Variants in ZDHHC13 observed in about 807,000 individuals in gnomAD.
ZDHHC13 encodes the protein palmitoyltransferase ZDHHC13.
Under a neutral mutation model 86.0 loss-of-function variants are expected in ZDHHC13, and 85 were observed. The ratio of observed to expected loss-of-function variants is 0.99; its 90% CI spans 0.83 to 1.18. ZDHHC13 has a LOEUF of 1.18. ZDHHC13 is among the 50% of genes most tolerant of loss of function. ZDHHC13 has a pLI of 0.00. For missense variants in ZDHHC13, 711 were observed against 730.2 expected, an observed-to-expected ratio of 0.97 and a Z score of 0.30; for synonymous variants, 263 against 246.4, an observed-to-expected ratio of 1.07 and a Z score of -0.63.
chr11:19,141,231 T>G (rs1244844289), intron 1 of ZDHHC13, among the ~76,000 whole-genome samples: 1 of 152,128 alleles, frequency 6.6e-6, no homozygotes, highest in East Asian at 1.9e-4. Flanking sequence ...ATTAGAGGAT[T>G]GGTTATTATG....
In ZDHHC13 at chr11:19,149,302, A is replaced by G. The variant is rs1037551177; in HGVS notation, c.490A>G (p.Ile164Val). The G allele has an allele frequency of 1.9e-5, 30 of 1,602,656 alleles. No homozygotes were observed. Among genetic ancestry groups the G allele is most frequent in the Admixed American group, 1.7e-4 (10 of 58,882 alleles). Residue 164 changes from isoleucine (I) to valine (V), a missense_variant, in exon 5 of 17, where the codon ATT becomes GTT. Coordinates refer to ENST00000446113, the MANE Select transcript of ZDHHC13 (RefSeq NM_019028.3). ...GGCAGTATTGTTTCAACACATGCCT[A>G]TTATAGCATATCTCATCTCAAAGGG... ...HLAVLFQHMP[I>V]IAYLISKGQS...
intron 1 of ZDHHC13, among the ~76,000 whole-genome samples, chr11:19,132,159 G>A (rs1849015598): frequency 6.6e-6 from 1 of 152,144 alleles, no homozygotes; most frequent in African/African-American, 2.4e-5. Flanking sequence ...TGGACTTTGT[G>A]AATGCACGTT....
chr11:19,133,098 C>T (rs1849038192), intron 1 of ZDHHC13, among the ~76,000 whole-genome samples: 1 of 152,028 alleles, frequency 6.6e-6, no homozygotes. Context: ...GGCCAGTAAA[C>T]ATGAAGAAAT....
chr11:19,133,303 T>A (rs1421213156), intron 1 of ZDHHC13, among the ~76,000 whole-genome samples: 1 of 151,868 alleles, frequency 6.6e-6, no homozygotes, highest in Non-Finnish European at 1.5e-5. Context: ...AAGCATATCT[T>A]CAAAGCCAAC....
chr11:19,169,834 C>T (rs2133478927), intron 14 of ZDHHC13: 6 of 985,578 alleles, frequency 6.1e-6, no homozygotes, highest in Non-Finnish European at 6.0e-6. Flanking sequence ...TATTCTTTTC[C>T]CAGGTGTATC....
chr11:19,120,634 A>T (rs112529815), intron 1 of ZDHHC13, among the ~76,000 whole-genome samples: 27 of 152,320 alleles, frequency 1.8e-4, no homozygotes, highest in African/African-American at 6.3e-4. Flanking sequence ...ATTACCACAC[A>T]TGTATTCATA....
At chr11:19,155,714 G>A (rs965342578) in intron 8 of ZDHHC13, 82 bp from the exon 9 acceptor site, 2 of 1,430,160 alleles carry the variant, frequency 1.4e-6, no homozygotes, top group African/African-American at 2.9e-5. Context: ...ATATACTTTG[G>A]AAGTAGTTCT....
intron 1 of ZDHHC13, among the ~76,000 whole-genome samples, chr11:19,137,805 A>G (rs1393207073): frequency 9.3e-5 from 14 of 150,814 alleles, no homozygotes; most frequent in South Asian, 2.1e-4. Context: ...CTGCTCCTGA[A>G]TGACTATTGG....
intron 1 of ZDHHC13, among the ~76,000 whole-genome samples, chr11:19,141,756 C>T (rs903312845): frequency 6.7e-6 from 1 of 150,120 alleles, no homozygotes; most frequent in Non-Finnish European, 1.5e-5. Context: ...ATTAGAAACA[C>T]TCAAATTAGT....
intron 13 of ZDHHC13, among the ~76,000 whole-genome samples, chr11:19,165,432 C>T (rs1270375420): frequency 2.6e-5 from 4 of 152,192 alleles, no homozygotes; most frequent in African/African-American, 9.6e-5. Flanking sequence ...TACAGTGACA[C>T]AACTAGTAAT....
At chr11:19,133,920 C>CAT (rs1554961794) in intron 1 of ZDHHC13, among the ~76,000 whole-genome samples, 27,238 of 83,412 alleles carry the variant, frequency 0.33, 5,768 homozygotes, top group African/African-American at 0.48. Context: ...GAAAGAAGTC[C>CAT]ATATATATAT....
intron 10 of ZDHHC13, among the ~76,000 whole-genome samples, chr11:19,161,892 C>T (rs1172498208): frequency 6.6e-6 from 1 of 152,104 alleles, no homozygotes; most frequent in Admixed American, 6.6e-5. Context: ...AGTATATTCT[C>T]ACATAGTATT....
intron 1 of ZDHHC13, chr11:19,118,692 TG>T (rs2133349694): frequency 6.6e-6 from 1 of 152,338 alleles, no homozygotes; most frequent in Admixed American, 6.5e-5. Context: ...TCATTGTCGT[TG>T]TTAATAATAA....
intron 1 of ZDHHC13, among the ~76,000 whole-genome samples, chr11:19,122,758 T>C (rs1201232338): frequency 6.6e-6 from 1 of 152,218 alleles, no homozygotes; most frequent in Admixed American, 6.5e-5. Context: ...TTGTAAATTT[T>C]ATTTTTCCTT....
chr11:19,170,501 ATAT>A lies in ZDHHC13; in HGVS notation c.1566_1568del (p.Ile523del). On this transcript the variant is annotated inframe_deletion, in exon 15 of 17. Transcript: ENST00000446113. ...GTGGCCTGTTCCCCTTGGGTTTTAT[ATAT>A]CTTGATGCTAGCAACTTTCCATTTC... 1 of 1,526,678 alleles carries A rather than the reference ATAT, an allele frequency of 6.6e-7. No individual in the cohort carries two copies. The highest frequency in any genetic ancestry group is 8.8e-7 in the Non-Finnish European group (1 of 1,140,994). The allele number at this position is 1,526,678 out of a possible 1,614,324, so 94.6% of individuals were successfully genotyped here. A position where few individuals can be genotyped will look rare whatever the true frequency, so the allele number is the denominator to read the frequency against.
At chr11:19,125,508 G>A (rs1848854133) in intron 1 of ZDHHC13, among the ~76,000 whole-genome samples, 1 of 152,188 alleles carries the variant, frequency 6.6e-6, no homozygotes, top group East Asian at 1.9e-4. Flanking sequence ...GTTGTTAGTG[G>A]CAATGCAAGG....
chr11:19,135,780 G>A (rs1400770691), intron 1 of ZDHHC13, among the ~76,000 whole-genome samples: 1 of 152,242 alleles, frequency 6.6e-6, no homozygotes, highest in African/African-American at 2.4e-5. Context: ...CCCTTGAGCA[G>A]CCTAACTGGG....
intron 6 of ZDHHC13, 60 bp downstream of exon 6, chr11:19,150,851 A>G (rs1849590042): frequency 2.7e-6 from 4 of 1,493,190 alleles, no homozygotes; most frequent in African/African-American, 1.4e-5. Context: ...TTTTCTGTGT[A>G]TGTAATTTTA....
chr11:19,173,504 C>T (rs548396074), intron 16 of ZDHHC13, among the ~76,000 whole-genome samples: 5 of 152,140 alleles, frequency 3.3e-5, no homozygotes, highest in East Asian at 1.9e-4. Context: ...TTTGAATGCT[C>T]GCTGCATATC....
Sources: gnomAD v4.1 joint callset for allele counts (sites outside exome capture counted in the v4.1 genomes callset) on GRCh38, gnomAD v4.1.1 for gene constraint, MANE v1.5 for transcripts, NCBI Gene and HGNC (gene_info 2026-07-23, HGNC 2026-07-21) for gene names.